Variants in CDKN1A observed in about 807,000 individuals in gnomAD.
The protein encoded by CDKN1A is cyclin-dependent kinase inhibitor 1.
A neutral mutation model predicts 14.8 loss-of-function variants in CDKN1A; 14 were observed. The observed-to-expected ratio is 0.94, with a 90% CI of 0.62 to 1.48. The LOEUF (loss-of-function observed/expected upper bound fraction) is 1.48. CDKN1A is among the 40% of genes most tolerant of loss of function. The pLI, the probability that CDKN1A is intolerant of heterozygous loss-of-function variation, is 0.00. For synonymous variants in CDKN1A, 92 were observed against 93.5 expected, an observed-to-expected ratio of 0.98 and a Z score of 0.09; for missense variants, 203 against 231.7, an observed-to-expected ratio of 0.88 and a Z score of 0.80.
intron 1 of CDKN1A, among the ~76,000 whole-genome samples, chr6:36,683,749 C>T (rs1762093651): frequency 6.6e-6 from 1 of 152,250 alleles, no homozygotes; most frequent in Non-Finnish European, 1.5e-5. Context: ...GGGGGGCATT[C>T]ACACCCATGA....
rs1762239118 is a variant in CDKN1A, at chr6:36,687,186, C to T, written c.*1386C>T. On this transcript the variant is annotated 3_prime_UTR_variant, in exon 3 of 3. Coordinates refer to ENST00000244741, the MANE Select transcript of CDKN1A (RefSeq NM_000389.5). ...CCTGGACTGTTTTCTCTCGGCTCCCCATGTGTCCTGGTTCCCGTTTCTCCA... is the reference window on the plus strand; with the variant it reads ...CCTGGACTGTTTTCTCTCGGCTCCCTATGTGTCCTGGTTCCCGTTTCTCCA... 4.3e-6 allele frequency: 1 copy of T among 233,226 alleles called. No homozygotes were observed. The highest frequency in any genetic ancestry group is 2.2e-5 in the African/African-American group (1 of 45,330). 14.4% of individuals were successfully genotyped at this position (233,226 alleles called of 1,614,324 possible). A position where few individuals can be genotyped will look rare whatever the true frequency, so the allele number is the denominator to read the frequency against.
In CDKN1A at chr6:36,684,049, T is replaced by G; in HGVS notation, c.-5-48T>G. The G allele has an allele frequency of 6.4e-7, 1 of 1,574,734 alleles. No individual in the cohort carries two copies. Among genetic ancestry groups the G allele is most frequent in the Non-Finnish European group, 8.7e-7 (1 of 1,152,852 alleles). On this transcript the variant is annotated intron_variant, in intron 1 of 2. Transcript: ENST00000244741. The surrounding 1 kb of genome is among the most constrained non-coding windows in gnomAD (Gnocchi z 6.0). ...AGCAAAGCCCGGCCAGGTAACATAGTGTCTAATCTCCGCCGTGACCAGGGC... is the reference window on the plus strand; with the variant it reads ...AGCAAAGCCCGGCCAGGTAACATAGGGTCTAATCTCCGCCGTGACCAGGGC...
At chr6:36,681,365 C>CT (rs1554185383) in intron 1 of CDKN1A, among the ~76,000 whole-genome samples, 6 of 42,890 alleles carry the variant, frequency 1.4e-4, no homozygotes, top group South Asian at 1.8e-3. Context: ...TCTTTCTTTT[C>CT]TTTCTTTCTT....
intron 1 of CDKN1A, among the ~76,000 whole-genome samples, chr6:36,681,270 T>TTCTCTCTTTCTTTCCG (rs748598723): frequency 1.2e-5 from 1 of 86,046 alleles, no homozygotes. Flanking sequence ...GTGCTTTTCT[T>TTCTCTCTTTCTTTCCG]TCTTTCTTTT....
At chr6:36,680,286 GC>G in intron 1 of CDKN1A, among the ~76,000 whole-genome samples, 1 of 138,948 alleles carries the variant, frequency 7.2e-6, no homozygotes, top group African/African-American at 2.7e-5. Context: ...CGGCGCGCGC[GC>G]GCGTGCGTGT....
rs1761792938 is a variant in CDKN1A, at chr6:36,678,901, C to G, written c.-6+103C>G. On this transcript the variant is annotated intron_variant, in intron 1 of 2. Transcript: ENST00000244741. This position sits in a 1 kb window ranked among gnomAD's most constrained non-coding sequence, Gnocchi z 5.7. ...CTGCGTGTCCGCGAGGATGCGTGTTCGCGGGTGTGTGCTGCGTTCACAGGT... is the reference window on the plus strand; with the variant it reads ...CTGCGTGTCCGCGAGGATGCGTGTTGGCGGGTGTGTGCTGCGTTCACAGGT... The G allele has an allele frequency of 1.0e-6, 1 of 985,758 alleles. No individual in the cohort carries two copies. 61.1% of individuals were successfully genotyped at this position (985,758 alleles called of 1,614,324 possible).
At chr6:36,677,913 A>G (rs4135238), upstream of CDKN1A, 8 of 1,358,364 alleles carry the variant, frequency 5.9e-6, no homozygotes, top group East Asian at 2.8e-4. Context: ...TGCTGCAACC[A>G]CAGGGATTTC....
At chr6:36,681,332 CTTTT>C (rs766396322) in intron 1 of CDKN1A, among the ~76,000 whole-genome samples, 2 of 61,950 alleles carry the variant, frequency 3.2e-5, no homozygotes, top group Non-Finnish European at 3.1e-5. Flanking sequence ...TTCTTTCTTT[CTTTT>C]TCTTTCTTTC....
Position 36,686,121 on chromosome 6 carries a change from T to A in CDKN1A, c.*321T>A. The A allele has an allele frequency of 2.1e-6, 1 of 475,928 alleles. No homozygotes were observed. Among genetic ancestry groups the A allele is most frequent in the Non-Finnish European group, 3.8e-6 (1 of 261,066 alleles). 29.5% of individuals were successfully genotyped at this position (475,928 alleles called of 1,614,324 possible). A position where few individuals can be genotyped will look rare whatever the true frequency, so the allele number is the denominator to read the frequency against. The stretch of plus-strand genomic sequence containing the variant: ...TTGGGTGGGCCGGCTTCATGCCAGC[T>A]ACTTCCTCCTCCCCACTTGTCCGCT... On this transcript the variant is annotated 3_prime_UTR_variant, in exon 3 of 3. Coordinates refer to ENST00000244741, the MANE Select transcript of CDKN1A (RefSeq NM_000389.5). This position sits in a 1 kb window ranked among gnomAD's most constrained non-coding sequence, Gnocchi z 4.9.
rs779054757 is a variant in CDKN1A at position 36,684,375 on chromosome 6, G to A, written c.274G>A (p.Gly92Ser). Residue 92 changes from glycine (G) to serine (S), a missense_variant, in exon 2 of 3, where the codon GGC (glycine) becomes AGC (serine). By Grantham distance (56) the Gly-to-Ser change is moderately conservative. Transcript: ENST00000244741. This position sits in a 1 kb window ranked among gnomAD's most constrained non-coding sequence, Gnocchi z 6.0. ...GCGAGGCCGGGATGAGTTGGGAGGAGGCAGGCGGCCTGGCACCTCACCTGC... is the reference window on the plus strand; with the variant it reads ...GCGAGGCCGGGATGAGTTGGGAGGAAGCAGGCGGCCTGGCACCTCACCTGC... The part of the protein sequence containing the change: ...PRRGRDELGG[G>S]RRPGTSPALL... 1 of 1,613,326 alleles carries A rather than the reference G, an allele frequency of 6.2e-7. No individual in the cohort carries two copies. The highest frequency in any genetic ancestry group is 1.1e-5 in the South Asian group (1 of 91,004).
intron 2 of CDKN1A, 82 bp from the exon 3 acceptor site, chr6:36,685,669 C>T (rs1034635876): frequency 1.4e-5 from 20 of 1,412,630 alleles, no homozygotes; most frequent in Admixed American, 3.3e-5. Flanking sequence ...GGTGTCCTGG[C>T]CCCCCACTGT....
At chr6:36,677,008 T>C (rs190373094), upstream of CDKN1A, among the ~76,000 whole-genome samples, 450 of 152,230 alleles carry the variant, frequency 3.0e-3, 2 homozygotes, top group African/African-American at 0.01. Context: ...AGACAGACAA[T>C]GTCTAGTCTA....
rs2150313838 is a variant in CDKN1A at position 36,684,354 on chromosome 6, G to C, written c.253G>C (p.Gly85Arg). ...KLYLPTGPRRGRDELGGGRRP... is the reference protein window; with the variant it reads ...KLYLPTGPRRRRDELGGGRRP... The stretch of plus-strand genomic sequence containing the variant: ...CTACCTTCCCACGGGGCCCCGGCGA[G>C]GCCGGGATGAGTTGGGAGGAGGCAG... The change falls in exon 2 of 3, where the codon GGC becomes CGC. Residue 85 changes from glycine to arginine, a missense_variant. Coordinates refer to ENST00000244741, the MANE Select transcript of CDKN1A (RefSeq NM_000389.5). The surrounding 1 kb of genome is among the most constrained non-coding windows in gnomAD (Gnocchi z 6.0). 2 of 1,613,456 alleles carry C rather than the reference G, an allele frequency of 1.2e-6. No homozygotes were observed. The highest frequency in any genetic ancestry group is 1.7e-6 in the Non-Finnish European group (2 of 1,179,904).
At chr6:36,685,621 C>T in intron 2 of CDKN1A, 130 bp from the exon 3 acceptor site, 1 of 872,802 alleles carries the variant, frequency 1.1e-6, no homozygotes, top group East Asian at 2.4e-5. Context: ...CCGAGTTCTT[C>T]CTGTTCTCAG....
Position 36,684,048 on chromosome 6 carries a change from G to T in CDKN1A, c.-5-49G>T. 2 of 1,574,112 alleles carry T rather than the reference G, an allele frequency of 1.3e-6. No individual in the cohort carries two copies. The highest frequency in any genetic ancestry group is 2.1e-4 in the Middle Eastern group (1 of 4,706). On this transcript the variant is annotated intron_variant, in intron 1 of 2. Coordinates refer to ENST00000244741, the MANE Select transcript of CDKN1A (RefSeq NM_000389.5). This position sits in a 1 kb window ranked among gnomAD's most constrained non-coding sequence, Gnocchi z 6.0. ...CAGCAAAGCCCGGCCAGGTAACATA[G>T]TGTCTAATCTCCGCCGTGACCAGGG... is the stretch of plus-strand genomic sequence containing the variant.
chr6:36,678,793 G>A lies in CDKN1A; in HGVS notation c.-11G>A, dbSNP rs1200339916. 3.0e-6 allele frequency: 3 copies of A among 985,688 alleles called. No homozygotes were observed. The highest frequency in any genetic ancestry group is 3.6e-6 in the Non-Finnish European group (3 of 830,202). 61.1% of individuals were successfully genotyped at this position (985,688 alleles called of 1,614,324 possible). On this transcript the variant is annotated 5_prime_UTR_variant, in exon 1 of 3. Coordinates refer to ENST00000244741, the MANE Select transcript of CDKN1A (RefSeq NM_000389.5). This position sits in a 1 kb window ranked among gnomAD's most constrained non-coding sequence, Gnocchi z 5.7. ...ATTCGCCGAGGCACCGAGGCACTCA[G>A]AGGAGGTGAGAGAGCGGCGGCAGAC...
chr6:36,683,223 A>G (rs1477850836), intron 1 of CDKN1A, among the ~76,000 whole-genome samples: 1 of 152,188 alleles, frequency 6.6e-6, no homozygotes, highest in African/African-American at 2.4e-5. Context: ...GACAGTCACT[A>G]TTACTATCCC....
At chr6:36,680,240 C>A (rs1761869826) in intron 1 of CDKN1A, among the ~76,000 whole-genome samples, 1 of 151,716 alleles carries the variant, frequency 6.6e-6, no homozygotes, top group Admixed American at 6.5e-5. Context: ...TCATCCCGTG[C>A]TTTGGGCGTG....
In CDKN1A at chr6:36,684,934, C is replaced by T. The variant is rs1257818652; in HGVS notation, c.445+388C>T. ...GCAGCTTCAAACTCCTGGGCTCAAG[C>T]GATCTTCCTACCTCAGCCTCCTGGG... On this transcript the variant is annotated intron_variant, in intron 2 of 2. Transcript: ENST00000244741. This position sits in a 1 kb window ranked among gnomAD's most constrained non-coding sequence, Gnocchi z 6.0. 6.6e-6 allele frequency among the ~76,000 whole-genome samples: 1 copy of T among 152,140 alleles called. No individual in the cohort carries two copies. The highest frequency in any genetic ancestry group is 1.5e-5 in the Non-Finnish European group (1 of 68,028).
Sources: gnomAD v4.1 joint callset for allele counts (sites outside exome capture counted in the v4.1 genomes callset) on GRCh38, gnomAD v4.1.1 for gene constraint, Gnocchi (gnomAD v3.1) non-coding constraint, MANE v1.5 for transcripts, NCBI Gene and HGNC (gene_info 2026-07-23, HGNC 2026-07-21) for gene names.